Variants in MTDH observed in about 807,000 individuals in gnomAD.
The protein encoded by MTDH is protein LYRIC.
MTDH carries 34 observed loss-of-function variants against 72.7 expected under a neutral mutation model. That is an observed-to-expected ratio of 0.47 (90% CI 0.36 to 0.62). MTDH has a LOEUF of 0.62. Among genes scored for constraint, MTDH ranks in the 20% least tolerant of loss-of-function variants. The pLI is 0.00. For missense variants in MTDH, 677 were observed against 699.4 expected (o/e 0.97, Z 0.36); for synonymous variants, 266 against 268.9 (o/e 0.99, Z 0.10).
At chr8:97,657,950 A>C (rs1200990157) in intron 1 of MTDH, among the ~76,000 whole-genome samples, 1 of 152,176 alleles carries the variant, frequency 6.6e-6, no homozygotes, top group Non-Finnish European at 1.5e-5. Flanking sequence ...TAATTTAAGT[A>C]TGATTAGTGA....
At chr8:97,665,691 T>G (rs576998844) in intron 2 of MTDH, among the ~76,000 whole-genome samples, 1 of 152,262 alleles carries the variant, frequency 6.6e-6, no homozygotes, top group South Asian at 2.1e-4. Flanking sequence ...TTATTTAGAT[T>G]AAACAAATGG....
At chr8:97,666,272 A>G (rs1411729488) in intron 2 of MTDH, among the ~76,000 whole-genome samples, 2 of 152,254 alleles carry the variant, frequency 1.3e-5, no homozygotes, top group African/African-American at 4.8e-5. Context: ...CCCTGATATC[A>G]TTTATTACAA....
chr8:97,652,057 A>C (rs940054379), intron 1 of MTDH, among the ~76,000 whole-genome samples: 3 of 152,188 alleles, frequency 2.0e-5, no homozygotes, highest in African/African-American at 7.2e-5. Context: ...TACTTTTTCT[A>C]GTGTCACCTT....
intron 6 of MTDH, among the ~76,000 whole-genome samples, chr8:97,697,702 A>G (rs556480494): frequency 1.1e-4 from 17 of 151,908 alleles, no homozygotes; most frequent in Non-Finnish European, 2.4e-4. Context: ...TTTTTTAACC[A>G]TTTAAAAATG....
At chr8:97,697,548 G>A (rs1813918405) in intron 6 of MTDH, among the ~76,000 whole-genome samples, 1 of 151,710 alleles carries the variant, frequency 6.6e-6, no homozygotes, top group Non-Finnish European at 1.5e-5. Flanking sequence ...ACCACACCCG[G>A]CTAATTTTTT....
intron 10 of MTDH, among the ~76,000 whole-genome samples, chr8:97,719,548 A>G (rs935005579): frequency 6.6e-6 from 1 of 152,022 alleles, no homozygotes; most frequent in African/African-American, 2.4e-5. Flanking sequence ...GTATTTTATC[A>G]TAAATAATGT....
At chr8:97,691,856 A>G (rs753150872) in intron 6 of MTDH, among the ~76,000 whole-genome samples, 1 of 151,542 alleles carries the variant, frequency 6.6e-6, no homozygotes, top group Non-Finnish European at 1.5e-5. Flanking sequence ...AACTGTATAT[A>G]GTGTTTTTTG....
rs201579152 is a variant in MTDH, at chr8:97,722,955, C to T, written c.1598C>T (p.Ser533Phe). ...TCAAAAAGTGATTCTGACAAGAGCT[C>T]TTCCCAAGTGCCGCCAATACTACAA... ...ILSKSDSDKS[S>F]SQVPPILQET... Residue 533 changes from serine to phenylalanine, a missense_variant, in exon 11 of 12, where the codon TCT (serine) becomes TTT (phenylalanine). By Grantham distance (155) the Ser-to-Phe change is radical. This residue lies in a region of MTDH where 201 missense variants were observed against 204.5 expected (regional missense o/e 0.98). Coordinates refer to ENST00000336273, the MANE Select transcript of MTDH (RefSeq NM_178812.4). 3 of 1,614,142 alleles carry T rather than the reference C, an allele frequency of 1.9e-6. No individual in the cohort carries two copies. Among genetic ancestry groups the T allele is most frequent in the East Asian group, 2.2e-5 (1 of 44,878 alleles).
chr8:97,647,243 G>C (rs751731139), intron 1 of MTDH, among the ~76,000 whole-genome samples: 1 of 152,060 alleles, frequency 6.6e-6, no homozygotes, highest in Non-Finnish European at 1.5e-5. Flanking sequence ...TGTTTCAGTC[G>C]TGGAAAAAGA....
chr8:97,651,970 A>G (rs2130914107), intron 1 of MTDH, among the ~76,000 whole-genome samples: 1 of 152,240 alleles, frequency 6.6e-6, no homozygotes, highest in African/African-American at 2.4e-5. Context: ...TCACCTCTTC[A>G]TATCTTCCTC....
Position 97,661,092 on chromosome 8 carries a change from A to G in MTDH, c.402A>G (p.Glu134=), listed in dbSNP as rs768951546. The change falls in exon 2 of 12, where the codon GAA becomes GAG. Residue 134 remains glutamate, a synonymous_variant. Transcript: ENST00000336273. ...TGCAGCCAAATGGGCGGACTGTTGA[A>G]GTGGCTGAGGGTGAAGCTGTTCGAA... is the stretch of plus-strand genomic sequence containing the variant. The part of the protein sequence containing the change: ...EKPKPNGRTV[E]VAEGEAVRTP... 7 of 1,613,192 alleles carry G rather than the reference A, an allele frequency of 4.3e-6. No individual in the cohort carries two copies. Among genetic ancestry groups the G allele is most frequent in the Non-Finnish European group, 5.9e-6 (7 of 1,179,454 alleles).
chr8:97,687,330 CATG>C (rs1471041741), intron 3 of MTDH, 96 bp from the exon 4 acceptor site: 13 of 955,890 alleles, frequency 1.4e-5, no homozygotes, highest in Non-Finnish European at 1.9e-5. Flanking sequence ...CTAAATTTAT[CATG>C]ATATTTTATG....
chr8:97,662,822 T>A (rs1444132007), intron 2 of MTDH, among the ~76,000 whole-genome samples: 1 of 151,138 alleles, frequency 6.6e-6, no homozygotes, highest in African/African-American at 2.4e-5. Flanking sequence ...AAATGGTTGC[T>A]ACAGTTTCTT....
intron 2 of MTDH, among the ~76,000 whole-genome samples, chr8:97,672,254 T>C (rs1812655152): frequency 1.3e-5 from 2 of 152,224 alleles, no homozygotes; most frequent in African/African-American, 4.8e-5. Flanking sequence ...AGGAGAGACC[T>C]TATGATCTGC....
At position 97,686,673 on chromosome 8, in the gene MTDH, G is replaced by T; in HGVS notation, c.489G>T (p.Lys163Asn). The stretch of plus-strand genomic sequence containing the variant: ...ACATTCTATTTTACTTTCAGTCAAA[G>T]AAAAATAAGAAGAAATCAAAGTCAG... The part of the protein sequence containing the change: ...PEIDKKNEKS[K>N]KNKKKSKSDA... Residue 163 changes from lysine to asparagine, a missense_variant, in exon 3 of 12, where the codon AAG (lysine) becomes AAT (asparagine). By Grantham distance (94) the Lys-to-Asn change is moderately conservative. This residue lies in a region of MTDH where 467 missense variants were observed against 469.1 expected (regional missense o/e 1.00). Coordinates refer to ENST00000336273, the MANE Select transcript of MTDH (RefSeq NM_178812.4). The T allele has an allele frequency of 6.4e-7, 1 of 1,555,962 alleles. No homozygotes were observed. Among genetic ancestry groups the T allele is most frequent in the South Asian group, 1.3e-5 (1 of 79,986 alleles).
intron 2 of MTDH, among the ~76,000 whole-genome samples, chr8:97,663,486 C>T (rs977177282): frequency 9.2e-5 from 14 of 151,976 alleles, no homozygotes; most frequent in African/African-American, 2.4e-4. Context: ...CGGTGGCTCA[C>T]GCCTGTAATC....
At chr8:97,675,098 T>C (rs1812784602) in intron 2 of MTDH, among the ~76,000 whole-genome samples, 1 of 152,192 alleles carries the variant, frequency 6.6e-6, no homozygotes, top group African/African-American at 2.4e-5. Flanking sequence ...ATGTGAGCTG[T>C]TGTGCCCAGC....
rs545563581 is a variant in MTDH at position 97,677,407 on chromosome 8, C to G, written c.484-9261C>G. 2.1e-4 allele frequency among the ~76,000 whole-genome samples: 31 copies of G among 151,018 alleles called. No individual in the cohort carries two copies. The South Asian group carries it at 6.3e-3, about 31-fold the overall frequency. ...TCGGGAGGCTGAGGCAGGAGAATTC[C>G]TTGAACCTGGGAGGCGGAGGTTGCA... On this transcript the variant is annotated intron_variant, in intron 2 of 11. Transcript: ENST00000336273.
At chr8:97,668,158 G>T (rs186473923) in intron 2 of MTDH, among the ~76,000 whole-genome samples, 3 of 152,118 alleles carry the variant, frequency 2.0e-5, no homozygotes, top group Non-Finnish European at 2.9e-5. Context: ...GAGGTGGCAG[G>T]CGTCTGTAAT....
Sources: allele counts gnomAD v4.1 joint callset (sites outside exome capture counted in the v4.1 genomes callset), GRCh38; gene constraint gnomAD v4.1.1; regional missense constraint gnomAD v4.1.1; transcripts MANE v1.5; gene names NCBI Gene and HGNC (gene_info 2026-07-23, HGNC 2026-07-21).